The following ADGRB3 variants were observed in gnomAD, a reference collection of about 807,000 sequenced individuals.
ADGRB3 encodes brain-specific angiogenesis inhibitor 3.
ADGRB3 carries 37 observed loss-of-function variants against 193.4 expected under a neutral mutation model. The observed-to-expected ratio is 0.19, with a 90% CI of 0.15 to 0.25. ADGRB3 has a LOEUF of 0.25. Among genes scored for constraint, ADGRB3 ranks in the 10% least tolerant of loss-of-function variants. ADGRB3 has a pLI of 1.00. For synonymous variants in ADGRB3, 690 were observed against 644.2 expected (o/e 1.07, Z -1.08); for missense variants, 1,637 against 1,852.9 (o/e 0.88, Z 2.14).
intron 3 of ADGRB3, among the ~76,000 whole-genome samples, chr6:68,748,994 C>T (rs1447892649): frequency 2.0e-5 from 3 of 152,180 alleles, no homozygotes; most frequent in Admixed American, 6.5e-5. Context: ...GTACATTGGC[C>T]CCTTTCAGCC....
intron 16 of ADGRB3, 63 bp downstream of exon 16, chr6:69,063,099 C>A: frequency 1.7e-6 from 2 of 1,187,674 alleles, no homozygotes; most frequent in South Asian, 1.3e-5. Flanking sequence ...GTCATTCTTT[C>A]AACTGATAAC....
At chr6:69,246,332 G>A (rs1766498551) in intron 20 of ADGRB3, among the ~76,000 whole-genome samples, 1 of 152,112 alleles carries the variant, frequency 6.6e-6, no homozygotes, top group African/African-American at 2.4e-5. Context: ...TTGTTGACTT[G>A]CTATGACGTT....
chr6:69,219,747 T>A (rs1166766903), intron 17 of ADGRB3, among the ~76,000 whole-genome samples: 6 of 151,830 alleles, frequency 4.0e-5, no homozygotes, highest in Non-Finnish European at 7.4e-5. Flanking sequence ...GGATTATTAA[T>A]GCTCACATCT....
intron 17 of ADGRB3, among the ~76,000 whole-genome samples, chr6:69,210,959 C>T (rs1448925801): frequency 2.1e-5 from 3 of 141,738 alleles, no homozygotes; most frequent in African/African-American, 5.2e-5. Context: ...ACCAAAAATA[C>T]AAAAAAAAAA....
intron 13 of ADGRB3, among the ~76,000 whole-genome samples, chr6:69,019,112 C>CA (rs1770185275): frequency 6.6e-6 from 1 of 152,004 alleles, no homozygotes; most frequent in African/African-American, 2.4e-5. Flanking sequence ...AACCAAATGA[C>CA]ACACTTCTCT....
At chr6:68,934,340 A>G (rs1292365644) in intron 4 of ADGRB3, among the ~76,000 whole-genome samples, 1 of 152,186 alleles carries the variant, frequency 6.6e-6, no homozygotes. Flanking sequence ...TAGCCTGTTC[A>G]GCATCATTGC....
chr6:68,975,020 T>A (rs1768702066), intron 9 of ADGRB3, among the ~76,000 whole-genome samples, 156 bp downstream of exon 9: 2 of 152,204 alleles, frequency 1.3e-5, no homozygotes, highest in Admixed American at 1.3e-4. Context: ...GCTTCATAAA[T>A]GAAGCCAATG....
chr6:69,015,860 A>G (rs1413028560), intron 12 of ADGRB3, among the ~76,000 whole-genome samples: 1 of 151,938 alleles, frequency 6.6e-6, no homozygotes, highest in Non-Finnish European at 1.5e-5. Flanking sequence ...AAAAAACTAC[A>G]TTCTATAGAG....
At chr6:69,091,636 T>C (rs1772712377) in intron 17 of ADGRB3, among the ~76,000 whole-genome samples, 1 of 152,036 alleles carries the variant, frequency 6.6e-6, no homozygotes, top group South Asian at 2.1e-4. Context: ...CCGGGGTCTT[T>C]TGGAGGCTGG....
chr6:68,814,062 G>T (rs980714701), intron 3 of ADGRB3, among the ~76,000 whole-genome samples: 15 of 152,148 alleles, frequency 9.9e-5, no homozygotes, highest in Non-Finnish European at 1.5e-5. Flanking sequence ...AATCCTTTGG[G>T]TATATACCCA....
At chr6:69,000,554 CCATTCTGGGCT>C (rs1769544811) in intron 11 of ADGRB3, among the ~76,000 whole-genome samples, 1 of 152,136 alleles carries the variant, frequency 6.6e-6, no homozygotes, top group African/African-American at 2.4e-5. Context: ...TACTTCAGCA[CCATTCTGGGCT>C]CATTTTAAGC....
chr6:69,302,977 C>G (rs924672879), intron 20 of ADGRB3, among the ~76,000 whole-genome samples: 5 of 151,982 alleles, frequency 3.3e-5, no homozygotes, highest in African/African-American at 1.2e-4. Flanking sequence ...AGACACCACT[C>G]CAGAGGAATT....
At chr6:68,893,137 A>C (rs1766126018) in intron 3 of ADGRB3, among the ~76,000 whole-genome samples, 2 of 152,148 alleles carry the variant, frequency 1.3e-5, no homozygotes. Flanking sequence ...AAACAAAATC[A>C]AACAAAACTC....
intron 30 of ADGRB3, among the ~76,000 whole-genome samples, chr6:69,374,367 T>C (rs1347921734): frequency 6.6e-6 from 1 of 152,110 alleles, no homozygotes; most frequent in Non-Finnish European, 1.5e-5. Flanking sequence ...CCCCTCTTAA[T>C]TCAGGCTAGC....
chr6:69,225,770 A>T (rs953685756), intron 17 of ADGRB3, among the ~76,000 whole-genome samples: 2 of 152,148 alleles, frequency 1.3e-5, no homozygotes, highest in African/African-American at 4.8e-5. Flanking sequence ...AATAACAATA[A>T]TATTTACCTT....
chr6:69,070,485 T>C (rs1010086984), intron 16 of ADGRB3, among the ~76,000 whole-genome samples: 9 of 152,210 alleles, frequency 5.9e-5, no homozygotes, highest in African/African-American at 2.2e-4. Context: ...TATGCTTTAA[T>C]GATCTATTGC....
chr6:69,061,857 T>G (rs1324573964), intron 15 of ADGRB3, among the ~76,000 whole-genome samples: 1 of 60,410 alleles, frequency 1.7e-5, no homozygotes, highest in East Asian at 3.8e-3. Context: ...GAAAACTGTT[T>G]AGGGTAAGGG....
intron 17 of ADGRB3, among the ~76,000 whole-genome samples, chr6:69,215,108 A>G (rs1177325674): frequency 6.6e-6 from 1 of 152,178 alleles, no homozygotes; most frequent in Non-Finnish European, 1.5e-5. Flanking sequence ...ACTGTCCCAG[A>G]TTGGACATTG....
chr6:69,295,023 A>G (rs1582611902), intron 20 of ADGRB3, among the ~76,000 whole-genome samples: 1 of 152,012 alleles, frequency 6.6e-6, no homozygotes, highest in Admixed American at 6.6e-5. Context: ...TTTGCTTATA[A>G]CTCTCTCTCA....
Sources: gnomAD v4.1 joint callset for allele counts (sites outside exome capture counted in the v4.1 genomes callset) on GRCh38, gnomAD v4.1.1 for gene constraint, MANE v1.5 for transcripts, NCBI Gene and HGNC (gene_info 2026-07-23, HGNC 2026-07-21) for gene names.